Variants in CFAP97 observed in about 807,000 individuals in gnomAD.
The protein encoded by CFAP97 is cilia and flagella associated protein 97.
Under a neutral mutation model 43.1 loss-of-function variants are expected in CFAP97, and 36 were observed. That is an observed-to-expected ratio of 0.84 (90% CI 0.64 to 1.10). CFAP97 has a LOEUF of 1.10. Ranked by LOEUF, CFAP97 falls within the 50% of genes least tolerant of loss-of-function variation. CFAP97 has a pLI of 0.00. For missense variants in CFAP97, 657 were observed against 620.3 expected (o/e 1.06, Z -0.63); for synonymous variants, 228 against 225.7 (o/e 1.01, Z -0.09).
At chr4:185,192,326 A>G (rs1736298779) in intron 1 of CFAP97, among the ~76,000 whole-genome samples, 1 of 152,250 alleles carries the variant, frequency 6.6e-6, no homozygotes, top group South Asian at 2.1e-4. Flanking sequence ...AGAAATTCAC[A>G]GCATACAGCC....
chr4:185,177,422 A>T (rs1735596940), intron 2 of CFAP97, among the ~76,000 whole-genome samples: 1 of 151,854 alleles, frequency 6.6e-6, no homozygotes, highest in South Asian at 2.1e-4. Context: ...CCAAAAAAAA[A>T]AAAGGAATAC....
chr4:185,190,059 G>T, intron 2 of CFAP97, 84 bp downstream of exon 2: 1 of 1,070,794 alleles, frequency 9.3e-7, no homozygotes, highest in Non-Finnish European at 1.3e-6. Flanking sequence ...ATATCTACTA[G>T]ATCAATGCAA....
upstream of CFAP97, among the ~76,000 whole-genome samples, chr4:185,208,685 C>A (rs976524352): frequency 6.6e-6 from 1 of 151,636 alleles, no homozygotes; most frequent in East Asian, 2.0e-4. Context: ...CCGAGATCGC[C>A]CCACTGCACT....
intron 1 of CFAP97, among the ~76,000 whole-genome samples, chr4:185,200,695 G>A (rs1413909542): frequency 1.3e-5 from 2 of 152,098 alleles, no homozygotes; most frequent in African/African-American, 4.8e-5. Context: ...TGTGAGGCAG[G>A]AGGATCACTT....
chr4:185,192,760 AGACG>A (rs1736339002), intron 1 of CFAP97, among the ~76,000 whole-genome samples: 2 of 6,868 alleles, frequency 2.9e-4, no homozygotes, highest in South Asian at 5.8e-3. Context: ...TTTTTTTTTG[AGACG>A]GAGTCTCGCT....
chr4:185,162,475 C>A lies in CFAP97; in HGVS notation c.*323G>T. 7.1e-6 allele frequency: 2 copies of A among 281,002 alleles called. No individual in the cohort carries two copies. Among genetic ancestry groups the A allele is most frequent in the South Asian group, 3.5e-5 (1 of 28,730 alleles). 17.4% of individuals were successfully genotyped at this position (281,002 alleles called of 1,614,324 possible). ...TAACACAAATTGAAAACTATAGTGACCATCTTGGGTACGACATGCAATGAT... is the reference window on the plus strand; with the variant it reads ...TAACACAAATTGAAAACTATAGTGAACATCTTGGGTACGACATGCAATGAT... On this transcript the variant is annotated 3_prime_UTR_variant, in exon 5 of 5. Coordinates refer to ENST00000458385, the MANE Select transcript of CFAP97 (RefSeq NM_020827.3).
intron 1 of CFAP97, among the ~76,000 whole-genome samples, chr4:185,202,558 C>A (rs563001915): frequency 0.1 from 14,987 of 144,504 alleles, 987 homozygotes; most frequent in Non-Finnish European, 0.12. Flanking sequence ...AAAAAACAAA[C>A]AAACAAAAAA....
chr4:185,169,932 T>G, intron 3 of CFAP97: 1 of 1,001,608 alleles, frequency 1.0e-6, no homozygotes, highest in Non-Finnish European at 1.2e-6. Context: ...TTCAAGATCT[T>G]AGAACAAAAG....
upstream of CFAP97, chr4:185,210,211 T>C: frequency 2.0e-6 from 2 of 984,440 alleles, no homozygotes; most frequent in African/African-American, 3.5e-5. This position sits in a 1 kb window ranked among gnomAD's most constrained non-coding sequence, Gnocchi z 4.4. Context: ...CGCCGCCGCC[T>C]GGAGCCGGCT....
At chr4:185,181,819 G>T (rs1735802373) in intron 2 of CFAP97, among the ~76,000 whole-genome samples, 1 of 152,210 alleles carries the variant, frequency 6.6e-6, no homozygotes, top group South Asian at 2.1e-4. Context: ...TTGCCAGGAA[G>T]AAAGGATAAA....
intron 1 of CFAP97, among the ~76,000 whole-genome samples, chr4:185,198,099 C>T (rs1456316238): frequency 6.6e-6 from 1 of 152,142 alleles, no homozygotes; most frequent in African/African-American, 2.4e-5. Context: ...GAGGTAAAGA[C>T]GATGTAGAAA....
At chr4:185,179,007 A>G (rs760503720) in intron 2 of CFAP97, among the ~76,000 whole-genome samples, 14 of 152,198 alleles carry the variant, frequency 9.2e-5, no homozygotes, top group Non-Finnish European at 1.6e-4. Context: ...TAAAAAAATC[A>G]TAAAAAGAAC....
In CFAP97 at chr4:185,175,826, T is replaced by C. The variant is rs1735497100; in HGVS notation, c.1280A>G (p.Asn427Ser). Residue 427 changes from asparagine to serine, a missense_variant, in exon 3 of 5, where the codon AAC (asparagine) becomes AGC (serine). Physicochemically the swap from Asn to Ser is conservative, Grantham distance 46. Coordinates refer to ENST00000458385, the MANE Select transcript of CFAP97 (RefSeq NM_020827.3). ...HPPKLYHSAL[N>S]RQKEQQRIER... ...AATCCTTTGTTGTTCCTTCTGTCTG[T>C]TGAGAGCACTGTGATATAACTTTGG... 2 of 1,613,880 alleles carry C rather than the reference T, an allele frequency of 1.2e-6. No homozygotes were observed. The highest frequency in any genetic ancestry group is 1.7e-5 in the Admixed American group (1 of 60,008).
chr4:185,202,857 C>G (rs1005995060), intron 1 of CFAP97, among the ~76,000 whole-genome samples: 5 of 152,180 alleles, frequency 3.3e-5, no homozygotes, highest in African/African-American at 9.7e-5. Context: ...AAAATTTACC[C>G]AACAATCCCA....
chr4:185,182,215 C>G (rs1247748849), intron 2 of CFAP97: 2 of 151,800 alleles, frequency 1.3e-5, no homozygotes, highest in South Asian at 4.2e-4. Context: ...CAATGCTCTC[C>G]AAATCGGTGA....
chr4:185,208,737 A>G (rs937848661), upstream of CFAP97, among the ~76,000 whole-genome samples: 5 of 152,066 alleles, frequency 3.3e-5, no homozygotes, highest in African/African-American at 7.2e-5. Flanking sequence ...AAAAAAGAAA[A>G]AAAGAAAGAA....
chr4:185,183,330 T>A (rs1735876414), intron 2 of CFAP97, among the ~76,000 whole-genome samples: 1 of 152,222 alleles, frequency 6.6e-6, no homozygotes, highest in South Asian at 2.1e-4. Context: ...GCCTCAGCTG[T>A]GCTCTGATGG....
chr4:185,176,045 A>C lies in CFAP97; in HGVS notation c.1061T>G (p.Leu354Arg), dbSNP rs1016371870. 6.3e-6 allele frequency: 10 copies of C among 1,587,284 alleles called. No individual in the cohort carries two copies. In the African/African-American group the frequency reaches 1.4e-4, roughly 22 times the overall value. The part of the protein sequence containing the change: ...MDLNHLLKAF[L>R]QLDKKGPQKH... ...TTGTGGTCCTTTTTTATCTAATTGCAGAAAAGCTACAGAAAAGAACAAAAA... is the reference window on the plus strand; with the variant it reads ...TTGTGGTCCTTTTTTATCTAATTGCCGAAAAGCTACAGAAAAGAACAAAAA... Residue 354 changes from leucine (L) to arginine (R), a missense_variant, in exon 3 of 5, where the codon CTG (leucine) becomes CGG (arginine). Leu to Arg is a moderately radical substitution (Grantham distance 102, BLOSUM62 -2). Coordinates refer to ENST00000458385, the MANE Select transcript of CFAP97 (RefSeq NM_020827.3).
chr4:185,171,960 G>C (rs956453693), intron 3 of CFAP97, among the ~76,000 whole-genome samples: 2 of 152,094 alleles, frequency 1.3e-5, no homozygotes, highest in African/African-American at 4.8e-5. Context: ...TGCTTGTCTT[G>C]AACTTCTGGG....
Sources: allele counts gnomAD v4.1 joint callset (sites outside exome capture counted in the v4.1 genomes callset), GRCh38; gene constraint gnomAD v4.1.1; non-coding constraint Gnocchi (gnomAD v3.1); transcripts MANE v1.5; gene names NCBI Gene and HGNC (gene_info 2026-07-23, HGNC 2026-07-21).